Variants in RIMS2 observed in about 807,000 individuals in gnomAD.
RIMS2 encodes the protein regulating synaptic membrane exocytosis 2, also known as regulating synaptic membrane exocytosis protein 2.
In RIMS2, 59 loss-of-function variants were observed where a neutral mutation model predicts 174.4. The observed-to-expected ratio is 0.34, with a 90% CI of 0.27 to 0.42. RIMS2 has a LOEUF of 0.42. Ranked by LOEUF, RIMS2 falls within the 10% of genes least tolerant of loss-of-function variation. RIMS2 has a pLI of 1.00. For synonymous variants in RIMS2, 606 were observed against 572.5 expected (o/e 1.06, Z -0.84); for missense variants, 1,620 against 1,666.3 (o/e 0.97, Z 0.48).
At position 103,603,942 on chromosome 8, in the gene RIMS2, G is replaced by C. The variant is rs567157488; in HGVS notation, c.177-93144G>C. On this transcript the variant is annotated intron_variant, in intron 1 of 23. Transcript: ENST00000504942. The stretch of plus-strand genomic sequence containing the variant: ...GGTTGCGAAAATTTTCTCCCATTTT[G>C]TAGGTTGCCTGTTCACTCTGATGGT... Among the ~76,000 whole-genome samples, 67 of 146,688 alleles carry C rather than the reference G, an allele frequency of 4.6e-4. 1 individual carries two copies. The East Asian group carries it at 0.012, about 27-fold the overall frequency.
chr8:104,018,664 A>G (rs1401620431), intron 19 of RIMS2, among the ~76,000 whole-genome samples: 1 of 152,202 alleles, frequency 6.6e-6, no homozygotes, highest in Non-Finnish European at 1.5e-5. Context: ...TATGGTGAGT[A>G]CAGTTTTGTT....
chr8:103,729,357 G>A (rs551259238), intron 2 of RIMS2, among the ~76,000 whole-genome samples: 3 of 151,992 alleles, frequency 2.0e-5, no homozygotes, highest in African/African-American at 7.2e-5. Context: ...CCAACTTACT[G>A]GCATATTGCT....
chr8:104,171,190 G>T (rs2098830171), intron 19 of RIMS2, among the ~76,000 whole-genome samples: 1 of 152,090 alleles, frequency 6.6e-6, no homozygotes, highest in Non-Finnish European at 1.5e-5. Context: ...CAGATCTCTA[G>T]CAAGGCCAAG....
At chr8:103,756,631 G>T (rs549940691) in intron 2 of RIMS2, among the ~76,000 whole-genome samples, 1 of 151,900 alleles carries the variant, frequency 6.6e-6, no homozygotes, top group African/African-American at 2.4e-5. Flanking sequence ...TTGCCATGTT[G>T]CCCAGGCTGG....
At chr8:104,082,598 A>G (rs1189973450) in intron 19 of RIMS2, among the ~76,000 whole-genome samples, 1 of 152,126 alleles carries the variant, frequency 6.6e-6, no homozygotes, top group Non-Finnish European at 1.5e-5. Flanking sequence ...GTATTCGGAG[A>G]AAAGAATGTA....
chr8:103,824,540 G>T (rs947763396), intron 3 of RIMS2, among the ~76,000 whole-genome samples: 1 of 152,138 alleles, frequency 6.6e-6, no homozygotes, highest in Admixed American at 6.6e-5. Context: ...CCCATTGCAC[G>T]TTAAAAATTA....
At chr8:104,049,127 A>C (rs1419281242) in intron 19 of RIMS2, among the ~76,000 whole-genome samples, 1 of 50,762 alleles carries the variant, frequency 2.0e-5, no homozygotes, top group Admixed American at 1.5e-4. Flanking sequence ...ATTTTTCTTT[A>C]AAAAAAAAAA....
At chr8:103,628,142 A>G (rs1323734795) in intron 1 of RIMS2, among the ~76,000 whole-genome samples, 1 of 152,204 alleles carries the variant, frequency 6.6e-6, no homozygotes, top group African/African-American at 2.4e-5. Flanking sequence ...GAGGAAACAA[A>G]ACATTAAGAG....
chr8:103,907,297 C>A (rs748460823), intron 4 of RIMS2, among the ~76,000 whole-genome samples: 10 of 152,198 alleles, frequency 6.6e-5, no homozygotes, highest in Non-Finnish European at 4.4e-5. Context: ...TACTTTTTTA[C>A]TTCCCTTGGT....
At chr8:103,961,439 C>T (rs938132317) in intron 15 of RIMS2, among the ~76,000 whole-genome samples, 78 of 152,016 alleles carry the variant, frequency 5.1e-4, no homozygotes, top group African/African-American at 1.8e-3. Flanking sequence ...CTTTTTTATA[C>T]TGCACTAATA....
chr8:104,120,432 T>C (rs374625316), intron 19 of RIMS2, among the ~76,000 whole-genome samples: 2 of 152,200 alleles, frequency 1.3e-5, no homozygotes, highest in Non-Finnish European at 2.9e-5. Context: ...TCTTTCACCG[T>C]TGAATAGTTT....
chr8:103,793,581 G>A (rs1351885965), intron 3 of RIMS2, among the ~76,000 whole-genome samples: 1 of 152,070 alleles, frequency 6.6e-6, no homozygotes, highest in Non-Finnish European at 1.5e-5. Context: ...TTCTGGCCAG[G>A]GCAATCAGGC....
intron 1 of RIMS2, among the ~76,000 whole-genome samples, chr8:103,628,477 C>A (rs980132955): frequency 2.6e-5 from 4 of 151,728 alleles, no homozygotes; most frequent in African/African-American, 9.7e-5. Context: ...GCCTTAGCCT[C>A]CTGAGTAGCT....
At chr8:103,823,151 G>A (rs186470584) in intron 3 of RIMS2, among the ~76,000 whole-genome samples, 1 of 151,830 alleles carries the variant, frequency 6.6e-6, no homozygotes, top group Non-Finnish European at 1.5e-5. Context: ...GCCACTGAAT[G>A]TGTGACAGTG....
At chr8:104,251,876 A>AAT (rs370350019), downstream of RIMS2, 14 of 1,088,406 alleles carry the variant, frequency 1.3e-5, no homozygotes, top group East Asian at 3.3e-4. Flanking sequence ...AAAAAAAAAA[A>AAT]TCACAGGTTG....
chr8:104,062,327 C>T (rs2097015105), intron 19 of RIMS2, among the ~76,000 whole-genome samples: 2 of 152,166 alleles, frequency 1.3e-5, no homozygotes, highest in South Asian at 4.1e-4. Flanking sequence ...TTGCTTCAAC[C>T]CAGGAGGCAG....
intron 3 of RIMS2, chr8:103,819,586 A>G: frequency 6.2e-7 from 1 of 1,613,558 alleles, no homozygotes. Context: ...CCCACCAAAT[A>G]TCTTACAAAA....
At chr8:103,944,408 T>C (rs2083240054) in intron 14 of RIMS2, among the ~76,000 whole-genome samples, 3 of 152,076 alleles carry the variant, frequency 2.0e-5, no homozygotes, top group Admixed American at 2.0e-4. Flanking sequence ...CAACCTAATA[T>C]ATTTTATGTA....
intron 1 of RIMS2, among the ~76,000 whole-genome samples, chr8:103,583,764 T>C (rs369912869): frequency 7.2e-5 from 11 of 152,188 alleles, no homozygotes; most frequent in South Asian, 4.1e-4. Flanking sequence ...AGCATACTTA[T>C]AGGACCTAGA....
Sources: gnomAD v4.1 joint callset for allele counts (sites outside exome capture counted in the v4.1 genomes callset) on GRCh38, gnomAD v4.1.1 for gene constraint, MANE v1.5 for transcripts, NCBI Gene and HGNC (gene_info 2026-07-23, HGNC 2026-07-21) for gene names.